HSD17B12: variants seen among roughly 807,000 people sequenced by gnomAD.
HSD17B12 encodes very-long-chain 3-oxoacyl-CoA reductase.
In HSD17B12, 32 loss-of-function variants were observed where a neutral mutation model predicts 39.3. The ratio of observed to expected loss-of-function variants is 0.81; its 90% confidence interval spans 0.61 to 1.09. HSD17B12 has a LOEUF of 1.09. Among genes scored for constraint, HSD17B12 ranks in the 50% least tolerant of loss-of-function variants. The pLI is 0.00. For missense variants in HSD17B12, 342 were observed against 382.9 expected, an observed-to-expected ratio of 0.89 and a Z score of 0.89; for synonymous variants, 150 against 146.7, an observed-to-expected ratio of 1.02 and a Z score of -0.16.
chr11:43,809,703 C>T (rs944719625), intron 4 of HSD17B12, among the ~76,000 whole-genome samples: 2 of 152,046 alleles, frequency 1.3e-5, no homozygotes, highest in African/African-American at 4.8e-5. Flanking sequence ...GCCTGTAATC[C>T]CAGCTACTCA....
chr11:43,556,804 C>T, the HSD17B12 span: 1 of 150,604 alleles, frequency 6.6e-6, no homozygotes, highest in Non-Finnish European at 1.5e-5. Flanking sequence ...AAATCCCGAG[C>T]TTTTTGCGTG....
chr11:43,818,141 T>C lies in HSD17B12; in HGVS notation c.501+1750T>C, dbSNP rs370946782. Among the ~76,000 whole-genome samples the C allele has an allele frequency of 1.5e-4, 23 of 152,308 alleles. No homozygotes were observed. The South Asian group carries it at 4.1e-3, about 27-fold the overall frequency. On this transcript the variant is annotated intron_variant, in intron 6 of 10. Transcript: ENST00000278353. The stretch of plus-strand genomic sequence containing the variant: ...CTGGAGACTTATTTTTACAAAGATT[T>C]CATCCACACGCTATTTGTCACTGAT...
At chr11:43,590,536 G>T in the HSD17B12 span, among the ~76,000 whole-genome samples, 1 of 28,332 alleles carries the variant, frequency 3.5e-5, no homozygotes, top group Non-Finnish European at 7.9e-5. Context: ...TTGAGACAGA[G>T]TCTTACTCTG....
intron 1 of HSD17B12, among the ~76,000 whole-genome samples, chr11:43,747,203 C>G (rs538222034): frequency 3.9e-5 from 6 of 152,232 alleles, no homozygotes; most frequent in Admixed American, 1.3e-4. Context: ...TGCATGTTGC[C>G]TAGCAAGGAG....
At chr11:43,837,574 A>G (rs1951383611) in intron 7 of HSD17B12, among the ~76,000 whole-genome samples, 2 of 152,194 alleles carry the variant, frequency 1.3e-5, no homozygotes, top group African/African-American at 4.8e-5. Flanking sequence ...GGTAACTTTG[A>G]TTTTAAACTT....
At chr11:43,817,881 A>C (rs7114842) in intron 6 of HSD17B12, among the ~76,000 whole-genome samples, 42,213 of 151,832 alleles carry the variant, frequency 0.28, 6,130 homozygotes, top group Middle Eastern at 0.4. Flanking sequence ...TTCTGTGAAG[A>C]ATGGCGGTGG....
In HSD17B12 at chr11:43,729,880, G is replaced by A. The variant is rs930272148; in HGVS notation, c.161-21031G>A. 3.9e-5 allele frequency among the ~76,000 whole-genome samples: 6 copies of A among 152,234 alleles called. No homozygotes were observed. The East Asian group carries it at 1.2e-3, about 29-fold the overall frequency. On this transcript the variant is annotated intron_variant, in intron 1 of 10. Transcript: ENST00000278353. ...CAAGTTTTCCTCTTTTCTTGTTAAA[G>A]GTCTGTGGGAGAGAAGGTAAAAATA...
At chr11:43,629,086 T>C in the HSD17B12 span, among the ~76,000 whole-genome samples, 1 of 152,102 alleles carries the variant, frequency 6.6e-6, no homozygotes, top group Non-Finnish European at 1.5e-5. Context: ...TCCATTTTGG[T>C]GGATGTGGAC....
the HSD17B12 span, among the ~76,000 whole-genome samples, chr11:43,635,442 A>G: frequency 1.8e-4 from 28 of 152,200 alleles, no homozygotes; most frequent in Admixed American, 1.3e-4. Context: ...ATTTTAAATT[A>G]TAGAATTGAG....
rs560161060 is a variant in HSD17B12, at chr11:43,809,750, A to T, written c.392-5687A>T. 1.2e-4 allele frequency among the ~76,000 whole-genome samples: 19 copies of T among 152,196 alleles called. No individual in the cohort carries two copies. The East Asian group carries it at 3.7e-3, about 29-fold the overall frequency. On this transcript the variant is annotated intron_variant, in intron 4 of 10. Transcript: ENST00000278353. ...CAGGAGAATCGCTTGAACCCAGGAGACGGATTGCAGTGAGCTGAGATCGAG... is the reference window on the plus strand; with the variant it reads ...CAGGAGAATCGCTTGAACCCAGGAGTCGGATTGCAGTGAGCTGAGATCGAG...
At chr11:43,656,163 T>C in the HSD17B12 span, among the ~76,000 whole-genome samples, 1 of 152,214 alleles carries the variant, frequency 6.6e-6, no homozygotes, top group African/African-American at 2.4e-5. Flanking sequence ...AATTTATCCA[T>C]TTCTTCTAGA....
chr11:43,799,509 A>G (rs886881708), intron 4 of HSD17B12, among the ~76,000 whole-genome samples: 2 of 151,986 alleles, frequency 1.3e-5, no homozygotes, highest in Admixed American at 6.6e-5. Context: ...ATTGTATAGG[A>G]AAAAAAATGG....
chr11:43,575,823 A>G, the HSD17B12 span, among the ~76,000 whole-genome samples: 2 of 152,222 alleles, frequency 1.3e-5, no homozygotes, highest in Non-Finnish European at 2.9e-5. This position sits in a 1 kb window ranked among gnomAD's most constrained non-coding sequence, Gnocchi z 4.1. Flanking sequence ...GCCCCCTCGT[A>G]GTGAATTACT....
At chr11:43,810,199 A>G (rs1951056978) in intron 4 of HSD17B12, among the ~76,000 whole-genome samples, 1 of 152,034 alleles carries the variant, frequency 6.6e-6, no homozygotes, top group South Asian at 2.1e-4. Context: ...CAAAAATCTA[A>G]TTTTCTGATG....
chr11:43,822,160 G>T (rs1951189166), intron 6 of HSD17B12, among the ~76,000 whole-genome samples: 1 of 152,112 alleles, frequency 6.6e-6, no homozygotes, highest in South Asian at 2.1e-4. Context: ...TTTTCTTAGA[G>T]CAGAGAAGGA....
chr11:43,836,692 A>C (rs1451889489), intron 7 of HSD17B12, among the ~76,000 whole-genome samples: 1 of 152,124 alleles, frequency 6.6e-6, no homozygotes, highest in Non-Finnish European at 1.5e-5. Context: ...TAAATTAAAA[A>C]TCTCCTGTAA....
chr11:43,571,583 T>C, the HSD17B12 span, among the ~76,000 whole-genome samples: 1 of 152,176 alleles, frequency 6.6e-6, no homozygotes, highest in Admixed American at 6.5e-5. Context: ...GGAGGGCATT[T>C]GAGTTTGCCC....
chr11:43,713,101 C>T (rs1183635191), intron 1 of HSD17B12, among the ~76,000 whole-genome samples: 1 of 152,168 alleles, frequency 6.6e-6, no homozygotes, highest in Non-Finnish European at 1.5e-5. Flanking sequence ...TCTGTATCTA[C>T]ACTGTACAAT....
chr11:43,613,455 C>A, the HSD17B12 span, among the ~76,000 whole-genome samples: 2 of 151,100 alleles, frequency 1.3e-5, no homozygotes, highest in Non-Finnish European at 2.9e-5. Flanking sequence ...AACAAAAAAA[C>A]CATGAGTTAT....
Sources: gnomAD v4.1 joint callset for allele counts (sites outside exome capture counted in the v4.1 genomes callset) on GRCh38, gnomAD v4.1.1 for gene constraint, Gnocchi (gnomAD v3.1) non-coding constraint, MANE v1.5 for transcripts, NCBI Gene and HGNC (gene_info 2026-07-23, HGNC 2026-07-21) for gene names.